Variants in SCHIP1 observed in about 807,000 individuals in gnomAD.
SCHIP1 encodes the protein schwannomin interacting protein 1.
Under a neutral mutation model 29.7 loss-of-function variants are expected in SCHIP1, and 8 were observed. That is an observed-to-expected ratio of 0.27 (90% CI 0.16 to 0.49). The LOEUF (loss-of-function observed/expected upper bound fraction) is 0.49, where lower values mean the gene tolerates loss of function less well. SCHIP1 is among the 20% of genes least tolerant of loss of function. The pLI, the probability that SCHIP1 is intolerant of heterozygous loss-of-function variation, is 0.99. For synonymous variants in SCHIP1, 76 were observed against 94.9 expected, an observed-to-expected ratio of 0.80 and a Z score of 1.16; for missense variants, 193 against 294.6, an observed-to-expected ratio of 0.66 and a Z score of 2.52.
chr3:159,685,005 G>A, the SCHIP1 span, among the ~76,000 whole-genome samples: 1 of 152,108 alleles, frequency 6.6e-6, no homozygotes, highest in Non-Finnish European at 1.5e-5. Context: ...CCTGAGCTCA[G>A]GTAACCTCAC....
At chr3:159,536,322 T>C in the SCHIP1 span, among the ~76,000 whole-genome samples, 2 of 152,172 alleles carry the variant, frequency 1.3e-5, no homozygotes, top group African/African-American at 4.8e-5. Context: ...TGTCCCTATA[T>C]GTAGTGGGGA....
the SCHIP1 span, among the ~76,000 whole-genome samples, chr3:159,292,190 A>G: frequency 9.9e-5 from 15 of 152,142 alleles, no homozygotes; most frequent in Admixed American, 9.2e-4. Context: ...GAGAAGGAAG[A>G]AGAGAAAGAA....
the SCHIP1 span, among the ~76,000 whole-genome samples, chr3:159,361,907 G>A: frequency 2.0e-5 from 3 of 152,200 alleles, no homozygotes; most frequent in Admixed American, 6.5e-5. Flanking sequence ...TCAGATTTGA[G>A]GGAAGAAGAT....
At chr3:159,626,817 T>C in the SCHIP1 span, among the ~76,000 whole-genome samples, 1 of 152,254 alleles carries the variant, frequency 6.6e-6, no homozygotes, top group East Asian at 1.9e-4. Flanking sequence ...TGTACATGCA[T>C]TGGGATTGGC....
At chr3:159,521,164 A>T in the SCHIP1 span, among the ~76,000 whole-genome samples, 17 of 152,200 alleles carry the variant, frequency 1.1e-4, no homozygotes, top group African/African-American at 4.1e-4. Context: ...GCTGAGCTGA[A>T]TCTACAAAGT....
chr3:159,571,210 G>T, the SCHIP1 span, among the ~76,000 whole-genome samples: 1 of 152,146 alleles, frequency 6.6e-6, no homozygotes, highest in Admixed American at 6.5e-5. Context: ...TCCTTGTCTT[G>T]TTCCGGTTTT....
the SCHIP1 span, among the ~76,000 whole-genome samples, chr3:159,321,500 C>T: frequency 6.6e-6 from 1 of 151,940 alleles, no homozygotes; most frequent in East Asian, 1.9e-4. Flanking sequence ...GAAATTACAC[C>T]AGTGATTTAA....
the SCHIP1 span, among the ~76,000 whole-genome samples, chr3:159,501,257 G>A: frequency 6.6e-6 from 1 of 152,088 alleles, no homozygotes; most frequent in Non-Finnish European, 1.5e-5. Context: ...CCCCAGTTGA[G>A]GACATTTATT....
At chr3:159,623,945 G>C in the SCHIP1 span, among the ~76,000 whole-genome samples, 1 of 152,122 alleles carries the variant, frequency 6.6e-6, no homozygotes, top group Non-Finnish European at 1.5e-5. Flanking sequence ...CCTTCCACCT[G>C]AGTCTAAGCC....
At chr3:159,824,208 G>A in the SCHIP1 span, among the ~76,000 whole-genome samples, 1 of 152,186 alleles carries the variant, frequency 6.6e-6, no homozygotes, top group African/African-American at 2.4e-5. Flanking sequence ...AACTTCAAGT[G>A]AAGCTTGACT....
the SCHIP1 span, among the ~76,000 whole-genome samples, chr3:159,729,574 A>G: frequency 1.3e-5 from 2 of 152,228 alleles, no homozygotes; most frequent in Admixed American, 1.3e-4. Flanking sequence ...ATAATGAAAA[A>G]GTTCCCATTT....
the SCHIP1 span, among the ~76,000 whole-genome samples, chr3:159,301,428 T>C: frequency 6.6e-6 from 1 of 152,158 alleles, no homozygotes; most frequent in African/African-American, 2.4e-5. Flanking sequence ...TGGTGAGCAC[T>C]CTTCAAACAC....
the SCHIP1 span, among the ~76,000 whole-genome samples, chr3:159,739,373 G>A: frequency 2.6e-5 from 4 of 152,166 alleles, no homozygotes; most frequent in East Asian, 7.7e-4. Context: ...GGTGAAAGAG[G>A]AACATTCAAT....
At chr3:159,389,394 A>C in the SCHIP1 span, among the ~76,000 whole-genome samples, 1 of 152,148 alleles carries the variant, frequency 6.6e-6, no homozygotes, top group East Asian at 1.9e-4. Flanking sequence ...CAGAATATGA[A>C]GTGTTAGCAA....
chr3:159,750,269 A>G, the SCHIP1 span, among the ~76,000 whole-genome samples: 5 of 9,550 alleles, frequency 5.2e-4, no homozygotes, highest in South Asian at 8.5e-3. Flanking sequence ...GTGTGTATAT[A>G]TATATATATA....
the SCHIP1 span, among the ~76,000 whole-genome samples, chr3:159,461,674 C>G: frequency 1.3e-5 from 2 of 151,308 alleles, no homozygotes; most frequent in Non-Finnish European, 2.9e-5. Flanking sequence ...CTCCCTGGTT[C>G]AAGCAGTTCT....
At chr3:159,823,597 A>T in the SCHIP1 span, among the ~76,000 whole-genome samples, 1 of 152,078 alleles carries the variant, frequency 6.6e-6, no homozygotes, top group African/African-American at 2.4e-5. Flanking sequence ...CTCCCTCTTG[A>T]ATTTCCCCTC....
the SCHIP1 span, among the ~76,000 whole-genome samples, chr3:159,741,307 G>A: frequency 6.6e-6 from 1 of 152,182 alleles, no homozygotes; most frequent in Non-Finnish European, 1.5e-5. Flanking sequence ...AAAAAGGAGA[G>A]AGAGGAAAGA....
At chr3:159,527,290 A>G in the SCHIP1 span, among the ~76,000 whole-genome samples, 1 of 152,104 alleles carries the variant, frequency 6.6e-6, no homozygotes. Context: ...CTTCTCATCA[A>G]AGTTTTATTT....
Sources: allele counts gnomAD v4.1 joint callset (sites outside exome capture counted in the v4.1 genomes callset), GRCh38; gene constraint gnomAD v4.1.1; transcripts MANE v1.5; gene names NCBI Gene and HGNC (gene_info 2026-07-23, HGNC 2026-07-21).